PRORP: variants seen among roughly 807,000 people sequenced by gnomAD.
PRORP encodes the protein mitochondrial ribonuclease P catalytic subunit.
Under a neutral mutation model 59.4 loss-of-function variants are expected in PRORP, and 51 were observed. The ratio of observed to expected loss-of-function variants is 0.86; its 90% CI spans 0.69 to 1.08. The LOEUF is 1.08. Ranked by LOEUF, PRORP falls within the 50% of genes least tolerant of loss-of-function variation. The pLI is 0.00. For missense variants in PRORP, 646 were observed against 690.3 expected (o/e 0.94, Z 0.72); for synonymous variants, 231 against 245.6 (o/e 0.94, Z 0.55).
intron 4 of PRORP, 144 bp from the exon 5 acceptor site, chr14:35,180,526 C>CTGTGTGTGTGTG (rs3058430): frequency 0.038 from 20,207 of 537,366 alleles, 505 homozygotes; most frequent in Admixed American, 0.17. Flanking sequence ...TGTAGAGTAT[C>CTGTGTGTGTGTG]TGTGTGTGTG....
chr14:35,143,108 C>T lies in PRORP; in HGVS notation c.1167+15497C>T, dbSNP rs140016322. Among the ~76,000 whole-genome samples, 103 of 145,712 alleles carry T rather than the reference C, an allele frequency of 7.1e-4. 10 individuals are homozygous for T. The highest frequency in any genetic ancestry group is 6.6e-4 in the Non-Finnish European group (43 of 65,500). ...GTTCTTAACCTTTTGGTCTCGGGAC[C>T]CTTTTACATATTTAAACATTATTGA... On this transcript the variant is annotated intron_variant, in intron 4 of 7. Coordinates refer to ENST00000534898, the MANE Select transcript of PRORP (RefSeq NM_014672.4).
At chr14:35,187,969 G>A (rs1318711317) in intron 5 of PRORP, among the ~76,000 whole-genome samples, 1 of 150,588 alleles carries the variant, frequency 6.6e-6, no homozygotes, top group African/African-American at 2.4e-5. Context: ...TCCTGCCTCA[G>A]CCTCCTGAGT....
rs142140715 is a variant in PRORP, at chr14:35,225,501, C to T, written c.1276-41226C>T. Reference sequence around the variant, plus strand: ...AGCTGGGATTACAGGTGTCCACCACCATGCTCAGCTAATTTTTGTATTTTT... The same window carrying T: ...AGCTGGGATTACAGGTGTCCACCACTATGCTCAGCTAATTTTTGTATTTTT... On this transcript the variant is annotated intron_variant, in intron 5 of 7. Coordinates refer to ENST00000534898, the MANE Select transcript of PRORP (RefSeq NM_014672.4). Among the ~76,000 whole-genome samples, 1,083 of 152,174 alleles carry T rather than the reference C, an allele frequency of 7.1e-3. 18 individuals carry two copies. Among genetic ancestry groups the T allele is most frequent in the African/African-American group, 0.025 (1,035 of 41,532 alleles).
intron 5 of PRORP, among the ~76,000 whole-genome samples, chr14:35,264,399 G>A (rs1462835705): frequency 6.6e-6 from 1 of 151,862 alleles, no homozygotes; most frequent in Non-Finnish European, 1.5e-5. Flanking sequence ...TGGGATTACA[G>A]GTGAGAGCCA....
chr14:35,126,773 T>C lies in PRORP; in HGVS notation c.1025T>C (p.Val342Ala). ...GKQWKGQFTT[V>A]RKSGQCSGCG... ...CAATGGAAAGGACAATTCACCACAG[T>C]CCGAAAAAGGTGAAGACCAATGTTT... The change falls in exon 3 of 8, where the codon GTC (valine) becomes GCC (alanine). Residue 342 changes from valine to alanine, a missense_variant. Physicochemically the swap from Val to Ala is moderately conservative, Grantham distance 64. Transcript: ENST00000534898. 6.2e-7 allele frequency: 1 copy of C among 1,609,120 alleles called. No homozygotes were observed.
At chr14:35,199,486 G>A (rs2049094511) in intron 5 of PRORP, among the ~76,000 whole-genome samples, 2 of 152,140 alleles carry the variant, frequency 1.3e-5, no homozygotes, top group African/African-American at 4.8e-5. Flanking sequence ...TGCCCTCGTG[G>A]ATGGGATTAG....
At chr14:35,203,750 G>C (rs912479395) in intron 5 of PRORP, among the ~76,000 whole-genome samples, 3 of 152,104 alleles carry the variant, frequency 2.0e-5, no homozygotes, top group African/African-American at 7.2e-5. Flanking sequence ...TGTAGTCCCA[G>C]CTACTCGGGA....
chr14:35,243,534 T>TAA (rs35841850), intron 5 of PRORP, among the ~76,000 whole-genome samples: 31 of 138,334 alleles, frequency 2.2e-4, no homozygotes, highest in African/African-American at 4.8e-4. Context: ...AGACCATGTC[T>TAA]AAAAAAAAAA....
intron 4 of PRORP, among the ~76,000 whole-genome samples, chr14:35,148,982 A>G (rs1263702298): frequency 2.2e-5 from 3 of 134,082 alleles, no homozygotes; most frequent in African/African-American, 8.5e-5. Flanking sequence ...GCAGTGGCGC[A>G]ATCTCGGCTC....
intron 4 of PRORP, among the ~76,000 whole-genome samples, chr14:35,171,146 G>A (rs755767622): frequency 1.3e-5 from 2 of 151,912 alleles, no homozygotes; most frequent in Non-Finnish European, 2.9e-5. Flanking sequence ...ACTGCACCTA[G>A]CCTTCTTTCT....
chr14:35,235,911 A>G (rs1237464774), intron 5 of PRORP, among the ~76,000 whole-genome samples: 1 of 151,916 alleles, frequency 6.6e-6, no homozygotes, highest in African/African-American at 2.4e-5. Flanking sequence ...CAAAAAAACA[A>G]ACAAAAAAAC....
intron 4 of PRORP, among the ~76,000 whole-genome samples, chr14:35,156,177 A>G (rs2047908880): frequency 6.6e-6 from 1 of 152,230 alleles, no homozygotes; most frequent in Non-Finnish European, 1.5e-5. Context: ...CACAAAGGGA[A>G]ATATGAACCT....
At chr14:35,172,477 C>CTTTCTTTTCTTT (rs1595237284) in intron 4 of PRORP, among the ~76,000 whole-genome samples, 2 of 46,360 alleles carry the variant, frequency 4.3e-5, no homozygotes, top group Non-Finnish European at 8.9e-5. Context: ...TCCCCTCTTT[C>CTTTCTTTTCTTT]CTTTCTTTCC....
intron 5 of PRORP, among the ~76,000 whole-genome samples, chr14:35,240,730 C>T (rs780126404): frequency 7.2e-5 from 11 of 152,176 alleles, no homozygotes; most frequent in Non-Finnish European, 8.8e-5. Context: ...GTTCCTCCTC[C>T]TCCACATTGA....
chr14:35,255,119 T>A (rs951780630), intron 5 of PRORP, among the ~76,000 whole-genome samples: 1 of 152,116 alleles, frequency 6.6e-6, no homozygotes, highest in African/African-American at 2.4e-5. Context: ...TAGAGATAAC[T>A]GTGTTTGGTT....
rs992392277 is a variant in PRORP at position 35,157,621 on chromosome 14, C to T, written c.1168-23049C>T. On this transcript the variant is annotated intron_variant, in intron 4 of 7. Transcript: ENST00000534898. Reference sequence around the variant, plus strand: ...GCCAGGCTGGTCTCGAACTCCTGACCTCAAGTGATCTGCCTGCCTTGGCCT... The same window carrying T: ...GCCAGGCTGGTCTCGAACTCCTGACTTCAAGTGATCTGCCTGCCTTGGCCT... 3.9e-5 allele frequency among the ~76,000 whole-genome samples: 6 copies of T among 152,200 alleles called. No individual in the cohort carries two copies. The South Asian group carries it at 6.2e-4, about 16-fold the overall frequency.
At chr14:35,172,258 A>G (rs2048328088) in intron 4 of PRORP, among the ~76,000 whole-genome samples, 1 of 151,884 alleles carries the variant, frequency 6.6e-6, no homozygotes, top group South Asian at 2.1e-4. Context: ...TTTATTGGCC[A>G]GGCTGGTGTC....
chr14:35,265,718 G>C (rs2051019386), intron 5 of PRORP, among the ~76,000 whole-genome samples: 3 of 152,066 alleles, frequency 2.0e-5, no homozygotes, highest in African/African-American at 7.2e-5. Context: ...AGAAGTAGAA[G>C]CTTTTATTCA....
At chr14:35,215,269 G>A (rs760288383) in intron 5 of PRORP, among the ~76,000 whole-genome samples, 23 of 152,066 alleles carry the variant, frequency 1.5e-4, no homozygotes, top group Non-Finnish European at 3.2e-4. Context: ...AGGGTGCTGT[G>A]GTATTTCTCA....
Sources: allele counts gnomAD v4.1 joint callset (sites outside exome capture counted in the v4.1 genomes callset), GRCh38; gene constraint gnomAD v4.1.1; transcripts MANE v1.5; gene names NCBI Gene and HGNC (gene_info 2026-07-23, HGNC 2026-07-21).